The following MXRA7 variants were observed in gnomAD, a reference collection of about 807,000 sequenced individuals.
MXRA7 encodes the protein matrix-remodeling-associated protein 7.
Under a neutral mutation model 17.4 loss-of-function variants are expected in MXRA7, and 18 were observed. The observed-to-expected ratio is 1.03, with a 90% CI of 0.71 to 1.53. MXRA7 has a LOEUF of 1.53. Ranked by LOEUF, MXRA7 falls within the 40% of genes most tolerant of loss-of-function variation. The pLI is 0.00. For synonymous variants in MXRA7, 70 were observed against 101.7 expected (o/e 0.69, Z 1.87); for missense variants, 141 against 209.3 (o/e 0.67, Z 2.01).
chr17:76,707,461 G>A (rs897324141), intron 1 of MXRA7, among the ~76,000 whole-genome samples: 1 of 151,970 alleles, frequency 6.6e-6, no homozygotes, highest in African/African-American at 2.4e-5. Flanking sequence ...ACGCCACCAT[G>A]CCTGGCTAAT....
At position 76,685,223 on chromosome 17, in the gene MXRA7, C is replaced by T. The variant is rs549463058; in HGVS notation, c.407-58G>A. On this transcript the variant is annotated intron_variant, in intron 2 of 3. Transcript: ENST00000449428. ...TGCTGTAGAGGCTGGCCCCACAAAC[C>T]CCGGCCCCCTTTCCCTAGGTTTAAA... is the stretch of plus-strand genomic sequence containing the variant. 2.2e-5 allele frequency: 29 copies of T among 1,298,192 alleles called. No homozygotes were observed. In the East Asian group the frequency reaches 4.4e-4, roughly 20 times the overall value. 80.4% of individuals were successfully genotyped at this position (1,298,192 alleles called of 1,614,324 possible).
intron 2 of MXRA7, among the ~76,000 whole-genome samples, chr17:76,685,662 C>T (rs1316537604): frequency 6.6e-6 from 1 of 152,220 alleles, no homozygotes; most frequent in Non-Finnish European, 1.5e-5. Flanking sequence ...GCAGGTTTGA[C>T]GTGTGTACCG....
At chr17:76,705,972 C>T (rs2076649836) in intron 1 of MXRA7, among the ~76,000 whole-genome samples, 1 of 152,188 alleles carries the variant, frequency 6.6e-6, no homozygotes, top group Non-Finnish European at 1.5e-5. Context: ...AAAGTAGGAC[C>T]ACACTGCCAT....
chr17:76,707,246 T>G lies in MXRA7; in HGVS notation c.342+3359A>C, dbSNP rs527604531. ...CCAATTAAATCTAGAAGAGTCTCTGTGTGCTTCATGACACCGGCCCACTGC... is the reference window on the plus strand; with the variant it reads ...CCAATTAAATCTAGAAGAGTCTCTGGGTGCTTCATGACACCGGCCCACTGC... On this transcript the variant is annotated intron_variant, in intron 1 of 3. Transcript: ENST00000449428. Among the ~76,000 whole-genome samples the G allele has an allele frequency of 2.6e-5, 4 of 151,990 alleles. No individual in the cohort carries two copies. In the East Asian group the frequency reaches 7.7e-4, roughly 29 times the overall value.
At chr17:76,693,588 G>A (rs1423964124) in intron 1 of MXRA7, among the ~76,000 whole-genome samples, 1 of 152,034 alleles carries the variant, frequency 6.6e-6, no homozygotes, top group Non-Finnish European at 1.5e-5. Context: ...GCTCACGCCT[G>A]TAATCCCAGC....
At chr17:76,686,802 G>A (rs932519519) in intron 2 of MXRA7, among the ~76,000 whole-genome samples, 1 of 152,144 alleles carries the variant, frequency 6.6e-6, no homozygotes, top group East Asian at 1.9e-4. Context: ...AGAGGGGCTG[G>A]AGGTGCTCAC....
At chr17:76,691,606 C>T (rs1029536905) in intron 1 of MXRA7, among the ~76,000 whole-genome samples, 5 of 152,072 alleles carry the variant, frequency 3.3e-5, no homozygotes, top group African/African-American at 1.2e-4. Context: ...CGGGAGGACA[C>T]CCACTTGGTG....
At chr17:76,685,258 C>T (rs917555815) in intron 2 of MXRA7, 93 bp from the exon 3 acceptor site, 29 of 890,256 alleles carry the variant, frequency 3.3e-5, no homozygotes, top group Non-Finnish European at 1.1e-5. Flanking sequence ...AAAGAAACAC[C>T]TCAAGCAGAG....
chr17:76,692,722 A>AAAAATGAC (rs1164543552), intron 1 of MXRA7, among the ~76,000 whole-genome samples: 1 of 152,240 alleles, frequency 6.6e-6, no homozygotes, highest in African/African-American at 2.4e-5. Flanking sequence ...AAATGTACCA[A>AAAAATGAC]AAAATGACAT....
In MXRA7 at chr17:76,680,870, T is replaced by C. The variant is rs530720017; in HGVS notation, c.510A>G (p.Glu170=). 2.1e-5 allele frequency: 33 copies of C among 1,609,670 alleles called. No homozygotes were observed. In the East Asian group the frequency reaches 7.1e-4, roughly 35 times the overall value. ...GAGGACGCTAAGGATAACTTCGTTA[T>C]TCTTCAGTTCTGTAAAGAGAAATGG... ...EELEEEQRTE[E] The change falls in exon 4 of 4, where the codon GAA becomes GAG. Residue 170 remains glutamate (E), a synonymous_variant. Transcript: ENST00000449428.
At chr17:76,709,184 C>A (rs781627247) in intron 1 of MXRA7, among the ~76,000 whole-genome samples, 7 of 152,152 alleles carry the variant, frequency 4.6e-5, no homozygotes, top group Non-Finnish European at 7.3e-5. Context: ...AAGGGCCAGC[C>A]CTGTAAGGCC....
At position 76,710,650 on chromosome 17, in the gene MXRA7, C is replaced by T. The variant is rs2076710340; in HGVS notation, c.297G>A (p.Ala99=). Reference sequence around the variant, plus strand: ...GCTCCTCCGCCTCCGCTGGCGCCGCCGCGGGATCCCCTGGCCCTTCGGGCT... The same window carrying T: ...GCTCCTCCGCCTCCGCTGGCGCCGCTGCGGGATCCCCTGGCCCTTCGGGCT... The part of the protein sequence containing the change: ...PGEPEGPGDP[A]AAPAEAEEQA... The change falls in exon 1 of 4, where the codon GCG becomes GCA. Residue 99 remains alanine, a synonymous_variant. Transcript: ENST00000449428. 9 of 1,378,708 alleles carry T rather than the reference C, an allele frequency of 6.5e-6. No homozygotes were observed. The highest frequency in any genetic ancestry group is 8.5e-6 in the Non-Finnish European group (9 of 1,062,070). 85.4% of individuals were successfully genotyped at this position (1,378,708 alleles called of 1,614,324 possible). A position where few individuals can be genotyped will look rare whatever the true frequency, so the allele number is the denominator to read the frequency against.
At position 76,673,401 on chromosome 17, in the gene MXRA7, C is replaced by T. The variant is rs559628241; in HGVS notation, c.*4187G>A. The T allele has an allele frequency of 6.6e-5, 10 of 152,404 alleles. 1 individual carries two copies. Among genetic ancestry groups the T allele is most frequent in the African/African-American group, 2.2e-4 (9 of 41,584 alleles). 9.4% of individuals were successfully genotyped at this position (152,404 alleles called of 1,614,324 possible). On this transcript the variant is annotated 3_prime_UTR_variant, in exon 4 of 4. Transcript: ENST00000355797. ...TGGATGACTGTGGGCCTCCACCAGG[C>T]GCAGGTGACCCTGCAGATATGATTC...
downstream of MXRA7, chr17:76,677,486 A>G (rs1041043109): frequency 4.9e-5 from 37 of 760,116 alleles, no homozygotes; most frequent in South Asian, 5.3e-4. Flanking sequence ...ATCTATGTTT[A>G]TAAGGGAAAA....
chr17:76,674,348 C>T (rs2076223807), exon 4 of MXRA7: 1 of 152,200 alleles, frequency 6.6e-6, no homozygotes, highest in Admixed American at 6.5e-5. Flanking sequence ...AAATGAATCT[C>T]TGTGAGCTGA....
intron 1 of MXRA7, among the ~76,000 whole-genome samples, chr17:76,700,993 T>A (rs1425296223): frequency 2.0e-5 from 3 of 150,650 alleles, no homozygotes. Context: ...TCTGTGGCTG[T>A]GGGGGGCTGG....
chr17:76,677,653 T>C (rs2076251670), downstream of MXRA7: 1 of 1,613,856 alleles, frequency 6.2e-7, no homozygotes, highest in African/African-American at 1.3e-5. Flanking sequence ...AACGTCTCCT[T>C]GTTGTCTTTC....
At chr17:76,704,090 G>A (rs1229854613) in intron 1 of MXRA7, among the ~76,000 whole-genome samples, 3 of 151,674 alleles carry the variant, frequency 2.0e-5, no homozygotes, top group Non-Finnish European at 4.4e-5. Flanking sequence ...GCGACAGAGG[G>A]AGACTGTCTC....
chr17:76,710,901 T>A lies in MXRA7; in HGVS notation c.46A>T (p.Thr16Ser). The change falls in exon 1 of 4, where the codon ACC (threonine) becomes TCC (serine). Residue 16 changes from threonine (T) to serine (S), a missense_variant. By Grantham distance (58) the Thr-to-Ser change is moderately conservative. Transcript: ENST00000449428. The stretch of plus-strand genomic sequence containing the variant: ...CAGGCGAGCAGAAGGGCCAGCGCGG[T>A]GGCCAGCGCAGGCAGCGCGGCCAGT... ...ELLAALPALA[T>S]ALALLLAWLL... is the part of the protein sequence containing the mutation. The A allele has an allele frequency of 1.0e-6, 1 of 999,804 alleles. No individual in the cohort carries two copies. Among genetic ancestry groups the A allele is most frequent in the Non-Finnish European group, 1.2e-6 (1 of 842,222 alleles). The allele number at this position is 999,804 out of a possible 1,614,324, so 61.9% of individuals were successfully genotyped here.
Sources: allele counts gnomAD v4.1 joint callset (sites outside exome capture counted in the v4.1 genomes callset), GRCh38; gene constraint gnomAD v4.1.1; transcripts MANE v1.5; gene names NCBI Gene and HGNC (gene_info 2026-07-23, HGNC 2026-07-21).